GRM7: variants seen among roughly 807,000 people sequenced by gnomAD.
The protein encoded by GRM7 is glutamate metabotropic receptor 7.
A neutral mutation model predicts 84.5 loss-of-function variants in GRM7; 35 were observed. The ratio of observed to expected loss-of-function variants is 0.41; its 90% CI spans 0.32 to 0.55. The LOEUF (loss-of-function observed/expected upper bound fraction) is 0.55. GRM7 is among the 20% of genes least tolerant of loss of function. The pLI is 0.19. For synonymous variants in GRM7, 487 were observed against 455.1 expected (o/e 1.07, Z -0.89); for missense variants, 1,003 against 1,194.6 (o/e 0.84, Z 2.36).
At chr3:6,864,494 G>A (rs1364840886) in intron 1 of GRM7, among the ~76,000 whole-genome samples, 1 of 152,154 alleles carries the variant, frequency 6.6e-6, no homozygotes, top group Non-Finnish European at 1.5e-5. Context: ...GGCACACTTA[G>A]AGGGAGAGAA....
chr3:7,680,641 C>T (rs969565503), intron 9 of GRM7: 3 of 260,218 alleles, frequency 1.2e-5, no homozygotes, highest in East Asian at 9.6e-5. Flanking sequence ...AACTTTTTGT[C>T]AGGGAAACTT....
At chr3:6,864,266 G>C (rs557832047) in intron 1 of GRM7, among the ~76,000 whole-genome samples, 1 of 152,328 alleles carries the variant, frequency 6.6e-6, no homozygotes, top group East Asian at 1.9e-4. Context: ...AGCTTGGGAT[G>C]CATGCAAGCT....
At chr3:7,101,741 C>A (rs1446306346) in intron 1 of GRM7, among the ~76,000 whole-genome samples, 2 of 148,162 alleles carry the variant, frequency 1.3e-5, no homozygotes, top group African/African-American at 4.9e-5. Context: ...ACAGAGAGAG[C>A]TTTATATATA....
intron 4 of GRM7, among the ~76,000 whole-genome samples, chr3:7,354,233 A>G (rs1693287532): frequency 6.6e-6 from 1 of 152,162 alleles, no homozygotes; most frequent in Non-Finnish European, 1.5e-5. Context: ...ACATTTGGGG[A>G]CTACCAGACA....
At chr3:7,475,635 G>A (rs1367895882) in intron 7 of GRM7, among the ~76,000 whole-genome samples, 1 of 152,146 alleles carries the variant, frequency 6.6e-6, no homozygotes, top group African/African-American at 2.4e-5. Context: ...CACCACTTGA[G>A]GTGATTGTCT....
intron 7 of GRM7, among the ~76,000 whole-genome samples, chr3:7,517,449 G>A (rs941985126): frequency 8.5e-5 from 13 of 152,154 alleles, no homozygotes; most frequent in African/African-American, 2.9e-4. Flanking sequence ...CTGGAGTGCA[G>A]TTGCATGATC....
At chr3:7,703,580 A>G (rs1011507491) in intron 9 of GRM7, among the ~76,000 whole-genome samples, 4 of 152,150 alleles carry the variant, frequency 2.6e-5, no homozygotes, top group Non-Finnish European at 5.9e-5. Flanking sequence ...TAATTGTGCC[A>G]ATCTAAAAAT....
rs61479043 is a variant in GRM7 at position 7,504,305 on chromosome 3, T to A, written c.1515+42583T>A. ...AAGCTTTTTCCTGCTTCTTTGTACT[T>A]CTTCTTCCCTCTAGGTAGCATATTC... On this transcript the variant is annotated intron_variant, in intron 7 of 9. Coordinates refer to ENST00000357716, the MANE Select transcript of GRM7 (RefSeq NM_000844.4). Among the ~76,000 whole-genome samples the A allele has an allele frequency of 6.5e-3, 984 of 152,278 alleles. 12 individuals carry two copies. Among genetic ancestry groups the A allele is most frequent in the African/African-American group, 0.023 (943 of 41,560 alleles).
At chr3:7,296,153 GT>G (rs1177161412) in intron 2 of GRM7, among the ~76,000 whole-genome samples, 1 of 151,576 alleles carries the variant, frequency 6.6e-6, no homozygotes, top group Non-Finnish European at 1.5e-5. Context: ...GGTGCTCATG[GT>G]TTTTCTTTTT....
chr3:6,893,118 A>G (rs963932534), intron 1 of GRM7: 1 of 152,174 alleles, frequency 6.6e-6, no homozygotes, highest in African/African-American at 2.4e-5. Flanking sequence ...AGTAAGCATT[A>G]TATTATTTCA....
chr3:6,934,913 G>A (rs1042738650), intron 1 of GRM7, among the ~76,000 whole-genome samples: 8 of 152,118 alleles, frequency 5.3e-5, no homozygotes, highest in East Asian at 3.9e-4. Context: ...ATTATGTTGC[G>A]AAAACAATAA....
intron 7 of GRM7, among the ~76,000 whole-genome samples, chr3:7,542,865 T>C (rs1005462132): frequency 6.6e-6 from 1 of 152,150 alleles, no homozygotes; most frequent in African/African-American, 2.4e-5. Flanking sequence ...CAATTTTTAG[T>C]TATAAATAAA....
intron 7 of GRM7, among the ~76,000 whole-genome samples, chr3:7,494,106 C>A (rs1458596821): frequency 2.0e-5 from 3 of 152,112 alleles, no homozygotes; most frequent in Admixed American, 6.5e-5. Context: ...TTTCCTGATG[C>A]TCCAAGATTC....
Position 7,356,599 on chromosome 3 carries a change from G to A in GRM7, c.1033+49947G>A, listed in dbSNP as rs181004914. Among the ~76,000 whole-genome samples the A allele has an allele frequency of 2.1e-3, 312 of 152,106 alleles. 1 individual carries two copies. Among genetic ancestry groups the A allele is most frequent in the African/African-American group, 7.1e-3 (293 of 41,526 alleles). On this transcript the variant is annotated intron_variant, in intron 4 of 9. Coordinates refer to ENST00000357716, the MANE Select transcript of GRM7 (RefSeq NM_000844.4). ...ATTACAGGCATAAGCCACCACTCCC[G>A]GCCAGCAGAGGAAGATTTTAATAAT...
At chr3:7,410,254 T>C (rs1297231186) in intron 4 of GRM7, among the ~76,000 whole-genome samples, 1 of 152,188 alleles carries the variant, frequency 6.6e-6, no homozygotes, top group South Asian at 2.1e-4. Flanking sequence ...AAGTAAAATC[T>C]TCTGGCTTTG....
chr3:7,738,781 A>T (rs1170012377), intron 9 of GRM7, among the ~76,000 whole-genome samples: 2 of 149,716 alleles, frequency 1.3e-5, no homozygotes, highest in Non-Finnish European at 3.0e-5. Flanking sequence ...TTGATATTTG[A>T]CAAGGCAAGC....
At chr3:6,883,852 GGGCAAGTAGA>G (rs1695596907) in intron 1 of GRM7, among the ~76,000 whole-genome samples, 8 of 152,282 alleles carry the variant, frequency 5.3e-5, no homozygotes, top group African/African-American at 1.9e-4. Context: ...TTGTCAAGTA[GGGCAAGTAGA>G]TTTGAGAAGT....
chr3:7,502,038 T>C (rs1232908724), intron 7 of GRM7, among the ~76,000 whole-genome samples: 1 of 152,226 alleles, frequency 6.6e-6, no homozygotes, highest in Non-Finnish European at 1.5e-5. Context: ...CAATCAAAAC[T>C]GGACTGAAAT....
intron 8 of GRM7, among the ~76,000 whole-genome samples, chr3:7,609,879 A>G (rs1400500413): frequency 6.6e-6 from 1 of 152,102 alleles, no homozygotes; most frequent in African/African-American, 2.4e-5. Flanking sequence ...GACACCAGAC[A>G]GAATTAAGTG....
Sources: gnomAD v4.1 joint callset for allele counts (sites outside exome capture counted in the v4.1 genomes callset) on GRCh38, gnomAD v4.1.1 for gene constraint, MANE v1.5 for transcripts, NCBI Gene and HGNC (gene_info 2026-07-23, HGNC 2026-07-21) for gene names.